The following ADGRV1 variants were observed in gnomAD, a reference collection of about 807,000 sequenced individuals.
ADGRV1 encodes adhesion G protein-coupled receptor V1.
In ADGRV1, 359 loss-of-function variants were observed where a neutral mutation model predicts 596.2. The observed-to-expected ratio is 0.60, with a 90% CI of 0.55 to 0.66. The LOEUF is 0.66. Among genes scored for constraint, ADGRV1 ranks in the 30% least tolerant of loss-of-function variants. The pLI, the probability that ADGRV1 is intolerant of heterozygous loss-of-function variation, is 0.00. For missense variants in ADGRV1, 7,274 were observed against 7,575.6 expected, an observed-to-expected ratio of 0.96 and a Z score of 1.48; for synonymous variants, 2,681 against 2,679.2, an observed-to-expected ratio of 1.00 and a Z score of -0.02.
intron 85 of ADGRV1, among the ~76,000 whole-genome samples, chr5:91,035,180 GCC>G (rs1171705183): frequency 2.0e-5 from 3 of 152,080 alleles, no homozygotes; most frequent in Non-Finnish European, 4.4e-5. Flanking sequence ...TATGTTGTAT[GCC>G]ATCAACCCTT....
At chr5:90,802,671 G>A in intron 70 of ADGRV1, 68 bp from the exon 71 acceptor site, 2 of 1,443,212 alleles carry the variant, frequency 1.4e-6, no homozygotes, top group East Asian at 2.4e-5. Flanking sequence ...TATGCTAATG[G>A]CTCAAGTCAA....
chr5:90,985,635 A>G (rs1780429195), intron 85 of ADGRV1, 113 bp downstream of exon 85: 1 of 735,342 alleles, frequency 1.4e-6, no homozygotes, highest in East Asian at 2.6e-5. Flanking sequence ...TTTCTGCCAC[A>G]GTGTCTGAAG....
At chr5:90,947,332 G>GTT (rs35581090) in intron 83 of ADGRV1, among the ~76,000 whole-genome samples, 36 of 151,734 alleles carry the variant, frequency 2.4e-4, no homozygotes, top group African/African-American at 6.8e-4. Context: ...TTTTAATGGG[G>GTT]TTTTTTTTCT....
At chr5:90,732,604 C>T (rs1228950108) in intron 50 of ADGRV1, among the ~76,000 whole-genome samples, 6 of 152,028 alleles carry the variant, frequency 3.9e-5, no homozygotes, top group Admixed American at 3.3e-4. Context: ...AATCAAAATC[C>T]CCCATTTCTC....
rs185076635 is a variant in ADGRV1, at chr5:90,936,080, C to G, written c.17857-29335C>G. On this transcript the variant is annotated intron_variant, in intron 83 of 89. Coordinates refer to ENST00000405460, the MANE Select transcript of ADGRV1 (RefSeq NM_032119.4). ...GAAAATCTGCATTTGTAATAAGTTA[C>G]CAGGATGCTTTTTATGTACCCTAGA... 2.0e-5 allele frequency among the ~76,000 whole-genome samples: 3 copies of G among 152,240 alleles called. No homozygotes were observed. The East Asian group carries it at 5.8e-4, about 29-fold the overall frequency.
intron 83 of ADGRV1, among the ~76,000 whole-genome samples, chr5:90,929,023 TG>T (rs1432246167): frequency 1.4e-4 from 21 of 146,642 alleles, no homozygotes; most frequent in African/African-American, 4.6e-4. Flanking sequence ...GGAGAACCAC[TG>T]CTCTCTTCAA....
rs765284463 is a variant in ADGRV1, at chr5:90,788,181, A to G, written c.13764A>G (p.Gly4588=). 6.2e-7 allele frequency: 1 copy of G among 1,613,860 alleles called. No homozygotes were observed. The highest frequency in any genetic ancestry group is 2.2e-5 in the East Asian group (1 of 44,864). ...TCTATTTTGGAGAAGGAGAAGGAGG[A>G]GTGAGAACCATAATTCTGACAATCT... ...GLFYFGEGEG[G]VRTIILTIYP... Residue 4588 remains glycine, a synonymous_variant, in exon 68 of 90, where the codon GGA becomes GGG. Transcript: ENST00000405460.
At chr5:90,789,511 C>A (rs1759839737) in intron 68 of ADGRV1, among the ~76,000 whole-genome samples, 191 bp from the exon 69 acceptor site, 2 of 152,054 alleles carry the variant, frequency 1.3e-5, no homozygotes, top group Non-Finnish European at 2.9e-5. Flanking sequence ...GAATAAGAAC[C>A]TACTTGTTTT....
At chr5:90,767,619 G>A (rs1477548634) in intron 59 of ADGRV1, among the ~76,000 whole-genome samples, 1 of 151,056 alleles carries the variant, frequency 6.6e-6, no homozygotes, top group East Asian at 1.9e-4. Flanking sequence ...TAAAAGCTCA[G>A]TAGGTGGTTT....
At chr5:90,790,790 T>G (rs755082564) in intron 69 of ADGRV1, 83 bp from the exon 70 acceptor site, 22 of 876,394 alleles carry the variant, frequency 2.5e-5, no homozygotes, top group Non-Finnish European at 8.6e-6. Context: ...TTTTGTATAT[T>G]ATAGAGAAAA....
At position 90,759,652 on chromosome 5, in the gene ADGRV1, A is replaced by C. The variant is rs539421924; in HGVS notation, c.12120+64A>C. On this transcript the variant is annotated intron_variant, in intron 58 of 89. Coordinates refer to ENST00000405460, the MANE Select transcript of ADGRV1 (RefSeq NM_032119.4). The stretch of plus-strand genomic sequence containing the variant: ...TAGCGTTTCATGTAATTTTGAGTAG[A>C]AAGTGTCTCACATTTTTGTTTTGGA... The C allele has an allele frequency of 3.5e-6, 5 of 1,431,770 alleles. No individual in the cohort carries two copies. In the South Asian group the frequency reaches 4.8e-5, roughly 14 times the overall value. The allele number at this position is 1,431,770 out of a possible 1,614,324, so 88.7% of individuals were successfully genotyped here.
intron 1 of ADGRV1, among the ~76,000 whole-genome samples, chr5:90,568,680 G>T (rs1038946006): frequency 1.3e-5 from 2 of 152,000 alleles, no homozygotes; most frequent in Non-Finnish European, 2.9e-5. Context: ...CTTTTATTTA[G>T]TCGTTATATT....
intron 85 of ADGRV1, among the ~76,000 whole-genome samples, chr5:91,005,025 CAT>C (rs1236268100): frequency 6.6e-6 from 1 of 152,242 alleles, no homozygotes; most frequent in East Asian, 1.9e-4. Context: ...AAAGTACAGA[CAT>C]ATTTTTTAAA....
chr5:90,720,531 C>G (rs1051937329), intron 44 of ADGRV1, among the ~76,000 whole-genome samples: 3 of 152,150 alleles, frequency 2.0e-5, no homozygotes, highest in African/African-American at 7.2e-5. Context: ...TAATAGAAAG[C>G]AGACTTAACT....
intron 83 of ADGRV1, among the ~76,000 whole-genome samples, chr5:90,871,776 A>G (rs1205986183): frequency 1.3e-5 from 2 of 152,236 alleles, no homozygotes; most frequent in Non-Finnish European, 2.9e-5. Context: ...GCTCTAAAGA[A>G]CTGTAACAGA....
intron 21 of ADGRV1, among the ~76,000 whole-genome samples, chr5:90,671,508 C>T (rs893713890): frequency 6.6e-6 from 1 of 152,178 alleles, no homozygotes; most frequent in African/African-American, 2.4e-5. Flanking sequence ...CTCAGTGAAA[C>T]TCAGAGGATT....
chr5:90,810,782 C>A lies in ADGRV1; in HGVS notation c.15522C>A (p.Asn5174Lys). The A allele has an allele frequency of 6.2e-7, 1 of 1,613,906 alleles. No individual in the cohort carries two copies. The highest frequency in any genetic ancestry group is 8.5e-7 in the Non-Finnish European group (1 of 1,179,824). The change falls in exon 74 of 90, where the codon AAC becomes AAA. Residue 5174 changes from asparagine (N) to lysine (K), a missense_variant. Asn to Lys is a moderately conservative substitution (Grantham distance 94). Transcript: ENST00000405460. ...CGACTACCATTCTGCAGCCAACCAA[C>A]GTGGTTGCCATTGTTACTGAGGCAA... ...SKTTTILQPT[N>K]VVAIVTEATG...
intron 85 of ADGRV1, among the ~76,000 whole-genome samples, chr5:91,060,398 A>ATATATTTTT (rs796332430): frequency 1.7e-5 from 1 of 60,478 alleles, no homozygotes; most frequent in African/African-American, 4.7e-5. Context: ...ATATATATAT[A>ATATATTTTT]TTTTTTTTTT....
chr5:90,680,542 T>C (rs1313785850), intron 26 of ADGRV1, among the ~76,000 whole-genome samples: 2 of 152,226 alleles, frequency 1.3e-5, no homozygotes, highest in African/African-American at 4.8e-5. Context: ...ATACTTAGAA[T>C]ATTTGTTTCT....
Sources: gnomAD v4.1 joint callset for allele counts (sites outside exome capture counted in the v4.1 genomes callset) on GRCh38, gnomAD v4.1.1 for gene constraint, MANE v1.5 for transcripts, NCBI Gene and HGNC (gene_info 2026-07-23, HGNC 2026-07-21) for gene names.